Variants in PLXNA1 observed in about 807,000 individuals in gnomAD.
PLXNA1 encodes the protein plexin A1.
A neutral mutation model predicts 191.7 loss-of-function variants in PLXNA1; 77 were observed. The ratio of observed to expected loss-of-function variants is 0.40; its 90% confidence interval spans 0.33 to 0.49. The LOEUF is 0.49. Among genes scored for constraint, PLXNA1 ranks in the 20% least tolerant of loss-of-function variants. The pLI, the probability that PLXNA1 is intolerant of heterozygous loss-of-function variation, is 0.63. For synonymous variants in PLXNA1, 1,137 were observed against 1,156.4 expected, an observed-to-expected ratio of 0.98 and a Z score of 0.34; for missense variants, 2,110 against 2,660.2, an observed-to-expected ratio of 0.79 and a Z score of 4.55.
At chr3:127,028,930 G>A (rs1021202710) in intron 25 of PLXNA1, 63 bp from the exon 26 acceptor site, 1 of 1,318,926 alleles carries the variant, frequency 7.6e-7, no homozygotes, top group African/African-American at 1.4e-5. Context: ...CCACTACACT[G>A]CTGTGATGGA....
intron 9 of PLXNA1, among the ~76,000 whole-genome samples, 186 bp from the exon 10 acceptor site, chr3:127,011,772 C>G (rs1402458277): frequency 6.6e-6 from 1 of 152,202 alleles, no homozygotes; most frequent in Non-Finnish European, 1.5e-5. Flanking sequence ...GGTAATAGAG[C>G]CTGTCTGGGT....
In PLXNA1 at chr3:127,014,335, G is replaced by T. The variant is rs374903793; in HGVS notation, c.2564G>T (p.Arg855Leu). ...ADTPASWMHA[R>L]HGSSRCTDPK... ...ACACCTGCATCGTGGATGCACGCGC[G>T]TCACGGCAGCAGTCGCTGCACCGAC... The change falls in exon 12 of 32, where the codon CGT (arginine) becomes CTT (leucine). Residue 855 changes from arginine to leucine, a missense_variant. Arg to Leu is a moderately radical substitution (Grantham distance 102). Transcript: ENST00000393409. 1.3e-6 allele frequency: 2 copies of T among 1,596,556 alleles called. No homozygotes were observed. The highest frequency in any genetic ancestry group is 2.2e-5 in the East Asian group (1 of 44,542).
chr3:127,018,441 A>C lies in PLXNA1; in HGVS notation c.3808A>C (p.Lys1270Gln). Residue 1270 changes from lysine to glutamine, a missense_variant, in exon 20 of 32, where the codon AAG (lysine) becomes CAG (glutamine). Transcript: ENST00000393409. ...IVAVLIAYKR[K>Q]SRDADRTLKR... ...GGCTGTGCTCATCGCCTACAAGCGCAAGTCACGAGATGCTGACCGCACACT... is the reference window on the plus strand; with the variant it reads ...GGCTGTGCTCATCGCCTACAAGCGCCAGTCACGAGATGCTGACCGCACACT... The C allele has an allele frequency of 1.2e-6, 2 of 1,613,022 alleles. No individual in the cohort carries two copies. Among genetic ancestry groups the C allele is most frequent in the Non-Finnish European group, 1.7e-6 (2 of 1,179,994 alleles).
intron 3 of PLXNA1, among the ~76,000 whole-genome samples, chr3:126,998,822 G>T (rs2079026657): frequency 2.0e-5 from 3 of 152,176 alleles, no homozygotes. Flanking sequence ...TGCTCTCCCT[G>T]TGTGCTGGGG....
At chr3:127,029,314 CTGAG>C in intron 26 of PLXNA1, 122 bp from the exon 27 acceptor site, 1 of 930,582 alleles carries the variant, frequency 1.1e-6, no homozygotes, top group Non-Finnish European at 1.7e-6. Context: ...GAGTTCCAGA[CTGAG>C]TGAGGTGGCT....
chr3:127,020,233 G>A lies in PLXNA1; in HGVS notation c.3927G>A (p.Glu1309=), dbSNP rs761885016. ...CAGAGCTGCAGACAGACATCCACGAGCTGACCAATGACCTGGACGGTGCCG... is the reference window on the plus strand; with the variant it reads ...CAGAGCTGCAGACAGACATCCACGAACTGACCAATGACCTGGACGGTGCCG... ...AFAELQTDIH[E]LTNDLDGAGI... The change falls in exon 21 of 32, where the codon GAG becomes GAA. Residue 1309 remains glutamate (E), a synonymous_variant. Coordinates refer to ENST00000393409, the MANE Select transcript of PLXNA1 (RefSeq NM_032242.4). 6.2e-5 allele frequency: 100 copies of A among 1,613,042 alleles called. No homozygotes were observed. The highest frequency in any genetic ancestry group is 7.5e-5 in the Non-Finnish European group (89 of 1,179,984).
chr3:127,017,447 C>A lies in PLXNA1; in HGVS notation c.3299C>A (p.Thr1100Asn), dbSNP rs1459515217. Residue 1100 changes from threonine (T) to asparagine (N), a missense_variant, in exon 18 of 32, where the codon ACC becomes AAC. Physicochemically the swap from Thr to Asn is moderately conservative, Grantham distance 65. This residue lies in a region of PLXNA1 where 644 missense variants were observed against 714.3 expected (regional missense o/e 0.90). Coordinates refer to ENST00000393409, the MANE Select transcript of PLXNA1 (RefSeq NM_032242.4). ...RENGCLVYND[T>N]TMVCRAPSVA... is the part of the protein sequence containing the mutation. ...CAGGGCTGCCTGGTGTACAATGACA[C>A]CACCATGGTATGCCGCGCCCCGTCT... 2 of 1,613,088 alleles carry A rather than the reference C, an allele frequency of 1.2e-6. No individual in the cohort carries two copies. The highest frequency in any genetic ancestry group is 1.1e-5 in the South Asian group (1 of 91,068).
intron 10 of PLXNA1, 136 bp downstream of exon 10, chr3:127,012,294 C>T (rs1456607558): frequency 1.1e-6 from 1 of 917,466 alleles, no homozygotes; most frequent in Non-Finnish European, 1.6e-6. Context: ...AGTCAGAAGC[C>T]ACTCCTGGCT....
At chr3:127,022,978 C>G (rs2079159275) in intron 23 of PLXNA1, among the ~76,000 whole-genome samples, 160 bp downstream of exon 23, 1 of 152,214 alleles carries the variant, frequency 6.6e-6, no homozygotes, top group African/African-American at 2.4e-5. Context: ...TGCAGCCGCT[C>G]TCAGCTCCTG....
chr3:127,026,706 C>A (rs2079178219), intron 23 of PLXNA1: 1 of 152,284 alleles, frequency 6.6e-6, no homozygotes, highest in Admixed American at 6.5e-5. Flanking sequence ...GTGCCTGGAG[C>A]CTCTGGTTAC....
chr3:127,022,327 G>A lies in PLXNA1; in HGVS notation c.4281G>A (p.Lys1427=), dbSNP rs1243485849. The A allele has an allele frequency of 1.9e-6, 3 of 1,610,772 alleles. No homozygotes were observed. Among genetic ancestry groups the A allele is most frequent in the Non-Finnish European group, 2.5e-6 (3 of 1,177,710 alleles). The change falls in exon 22 of 32, where the codon AAG becomes AAA. Residue 1427 remains lysine, a synonymous_variant. Transcript: ENST00000393409. ...EKNLESKNHP[K]LLLRRTESVA... is the part of the protein sequence containing the mutation. ...ACCTGGAGAGCAAGAACCACCCCAA[G>A]CTGCTACTGCGCCGGTGAGCCTGGG...
chr3:127,014,396 C>A, intron 12 of PLXNA1, 21 bp downstream of exon 12: 1 of 1,574,974 alleles, frequency 6.3e-7, no homozygotes, highest in East Asian at 2.3e-5. Flanking sequence ...CAGCCCTGCC[C>A]CCACACCCCA....
intron 4 of PLXNA1, 84 bp downstream of exon 4, chr3:127,003,554 G>C: frequency 7.0e-7 from 1 of 1,433,550 alleles, no homozygotes; most frequent in South Asian, 1.5e-5. Context: ...GTAGGGGTGG[G>C]GCCACATCAC....
At chr3:127,005,385 A>C in intron 7 of PLXNA1, 142 bp downstream of exon 7, 2 of 1,084,438 alleles carry the variant, frequency 1.8e-6, no homozygotes, top group Non-Finnish European at 2.6e-6. Context: ...TGGGGGTCTC[A>C]CCACCTGCTG....
At chr3:126,998,908 G>T (rs1444689309) in intron 3 of PLXNA1, among the ~76,000 whole-genome samples, 1 of 152,196 alleles carries the variant, frequency 6.6e-6, no homozygotes, top group Non-Finnish European at 1.5e-5. Flanking sequence ...TCCAGCCCTC[G>T]GGCTTCCTGC....
At chr3:126,985,230 C>T (rs1388616568) in intron 1 of PLXNA1, among the ~76,000 whole-genome samples, 3 of 152,112 alleles carry the variant, frequency 2.0e-5, no homozygotes, top group South Asian at 2.1e-4. Context: ...GTTGGCTTGG[C>T]GTTCCACCAG....
intron 29 of PLXNA1, chr3:127,032,095 G>A (rs1462428854): frequency 4.9e-6 from 2 of 408,826 alleles, no homozygotes; most frequent in Non-Finnish European, 9.1e-6. Flanking sequence ...GCTGTGTGGA[G>A]TGGGCCCCTG....
intron 23 of PLXNA1, chr3:127,027,704 G>T (rs1043258470): frequency 4.4e-6 from 3 of 687,320 alleles, no homozygotes; most frequent in African/African-American, 3.5e-5. Context: ...TGGCTCATGT[G>T]TAATTTAGGG....
At chr3:127,025,169 TA>T (rs2079170948) in intron 23 of PLXNA1, among the ~76,000 whole-genome samples, 1 of 152,134 alleles carries the variant, frequency 6.6e-6, no homozygotes, top group African/African-American at 2.4e-5. Flanking sequence ...TATCCACCGT[TA>T]TAGTGTCACA....
Sources: allele counts gnomAD v4.1 joint callset (sites outside exome capture counted in the v4.1 genomes callset), GRCh38; gene constraint gnomAD v4.1.1; regional missense constraint gnomAD v4.1.1; transcripts MANE v1.5; gene names NCBI Gene and HGNC (gene_info 2026-07-23, HGNC 2026-07-21).